PTPRN2: variants seen among roughly 807,000 people sequenced by gnomAD.
PTPRN2 encodes receptor-type tyrosine-protein phosphatase N2.
PTPRN2 carries 74 observed loss-of-function variants against 118.8 expected under a neutral mutation model. The ratio of observed to expected loss-of-function variants is 0.62; its 90% CI spans 0.52 to 0.76. The LOEUF is 0.76. Among genes scored for constraint, PTPRN2 ranks in the 30% least tolerant of loss-of-function variants. The pLI, the probability that PTPRN2 is intolerant of heterozygous loss-of-function variation, is 0.00. For missense variants in PTPRN2, 1,481 were observed against 1,394.4 expected (o/e 1.06, Z -0.99); for synonymous variants, 641 against 608.0 (o/e 1.05, Z -0.80).
intron 10 of PTPRN2, among the ~76,000 whole-genome samples, chr7:158,085,468 G>A (rs1358943743): frequency 2.5e-4 from 13 of 51,388 alleles, no homozygotes; most frequent in Non-Finnish European, 4.7e-4. Flanking sequence ...CATACACTCC[G>A]ACACCCATCC....
At chr7:158,316,687 C>A in intron 3 of PTPRN2, 132 bp downstream of exon 3, 1 of 672,236 alleles carries the variant, frequency 1.5e-6, no homozygotes, top group Non-Finnish European at 2.4e-6. Flanking sequence ...GCGCCCGGCT[C>A]CCACCTGCCC....
chr7:157,614,204 G>A (rs1802605809), intron 15 of PTPRN2: 1 of 441,554 alleles, frequency 2.3e-6, no homozygotes, highest in African/African-American at 2.0e-5. Flanking sequence ...GGCAGGGTTT[G>A]AAGTCTGTGG....
At chr7:158,209,665 A>T (rs1018619483) in intron 3 of PTPRN2, among the ~76,000 whole-genome samples, 2 of 152,226 alleles carry the variant, frequency 1.3e-5, no homozygotes, top group African/African-American at 4.8e-5. Flanking sequence ...ACGAAGATAT[A>T]TTGACCAAGC....
At chr7:157,942,825 C>T (rs1554497065) in intron 11 of PTPRN2, among the ~76,000 whole-genome samples, 1 of 152,142 alleles carries the variant, frequency 6.6e-6, no homozygotes, top group Non-Finnish European at 1.5e-5. Context: ...TCAACCTTGT[C>T]CTTCCTTTTC....
rs544538333 is a variant in PTPRN2 at position 158,080,117 on chromosome 7, A to G, written c.1723+1181T>C. On this transcript the variant is annotated intron_variant, in intron 11 of 22. Transcript: ENST00000389418. ...ACCCGCAGCAGCCAAAACAGATAGG[A>G]CCAGCAATTCGCTCCATCCCTTAGA... Among the ~76,000 whole-genome samples, 3 of 152,184 alleles carry G rather than the reference A, an allele frequency of 2.0e-5. No individual in the cohort carries two copies. In the South Asian group the frequency reaches 6.2e-4, roughly 32 times the overall value.
At chr7:158,171,886 C>T (rs1823733812) in intron 5 of PTPRN2, among the ~76,000 whole-genome samples, 1 of 152,190 alleles carries the variant, frequency 6.6e-6, no homozygotes, top group South Asian at 2.1e-4. Context: ...TGGAAATTAG[C>T]AGCCTAACGG....
At chr7:158,327,254 TTC>T (rs1413242741) in intron 2 of PTPRN2, among the ~76,000 whole-genome samples, 9 of 146,014 alleles carry the variant, frequency 6.2e-5, no homozygotes, top group Non-Finnish European at 9.0e-5. Context: ...CATGCACACA[TTC>T]TCACATGCAC....
intron 11 of PTPRN2, among the ~76,000 whole-genome samples, chr7:157,955,387 G>A (rs1489531745): frequency 1.3e-5 from 2 of 151,860 alleles, no homozygotes; most frequent in Non-Finnish European, 2.9e-5. Context: ...TGCTGAGCCG[G>A]GCTCACATCC....
At position 157,591,170 on chromosome 7, in the gene PTPRN2, A is replaced by T. The variant is rs992701277; in HGVS notation, c.2496+4068T>A. On this transcript the variant is annotated intron_variant, in intron 17 of 22. Transcript: ENST00000389418. This position sits in a 1 kb window ranked among gnomAD's most constrained non-coding sequence, Gnocchi z 4.4. ...GCTGTGTGACAGGGAGGCAGAGATG[A>T]GGGGGACACTTCGAATCCCCCAAGG... 1.3e-5 allele frequency among the ~76,000 whole-genome samples: 2 copies of T among 152,154 alleles called. No homozygotes were observed. The highest frequency in any genetic ancestry group is 4.8e-5 in the African/African-American group (2 of 41,436).
At chr7:158,553,447 T>TAC (rs150069789) in intron 1 of PTPRN2, among the ~76,000 whole-genome samples, 1 of 148,630 alleles carries the variant, frequency 6.7e-6, no homozygotes, top group Non-Finnish European at 1.5e-5. Flanking sequence ...CCTCCTTGTC[T>TAC]ACACACACAC....
At chr7:158,326,587 C>T (rs941350025) in intron 2 of PTPRN2, among the ~76,000 whole-genome samples, 2 of 151,980 alleles carry the variant, frequency 1.3e-5, no homozygotes, top group African/African-American at 4.8e-5. Flanking sequence ...CGTCCTCACA[C>T]ATGCTCTCAC....
chr7:158,577,653 T>C (rs1425864423), intron 1 of PTPRN2, among the ~76,000 whole-genome samples: 1 of 152,272 alleles, frequency 6.6e-6, no homozygotes. Flanking sequence ...TTGTCTTCAT[T>C]TCCTCTAAGA....
intron 12 of PTPRN2, among the ~76,000 whole-genome samples, chr7:157,788,224 A>T (rs1311021259): frequency 6.6e-6 from 1 of 152,036 alleles, no homozygotes; most frequent in African/African-American, 2.4e-5. Context: ...AAGTACAAAA[A>T]AGTAGCCAGG....
chr7:157,630,716 G>A lies in PTPRN2; in HGVS notation c.2197-9207C>T, dbSNP rs568929100. ...GTTTGCTCGGGAGAAGCAAACACAC[G>A]GTTTTGGAATTCAGCCTCTGGGTCA... is the stretch of plus-strand genomic sequence containing the variant. On this transcript the variant is annotated intron_variant, in intron 14 of 22. Transcript: ENST00000389418. 2.6e-5 allele frequency among the ~76,000 whole-genome samples: 4 copies of A among 152,292 alleles called. No individual in the cohort carries two copies. The East Asian group carries it at 7.7e-4, about 29-fold the overall frequency.
intron 1 of PTPRN2, among the ~76,000 whole-genome samples, chr7:158,522,518 T>C (rs1824278713): frequency 6.6e-6 from 1 of 151,478 alleles, no homozygotes; most frequent in Non-Finnish European, 1.5e-5. Flanking sequence ...CAGAATGGAC[T>C]GTCCAGGATG....
chr7:157,814,197 A>C (rs555369338), intron 12 of PTPRN2, among the ~76,000 whole-genome samples: 3 of 152,336 alleles, frequency 2.0e-5, no homozygotes, highest in South Asian at 2.1e-4. Context: ...GCAGGCGAGG[A>C]AGCCCCTGCT....
intron 21 of PTPRN2, among the ~76,000 whole-genome samples, chr7:157,551,975 C>CAGG (rs1798653968): frequency 6.7e-6 from 1 of 150,220 alleles, no homozygotes; most frequent in Admixed American, 6.6e-5. Context: ...ACGCACCCCA[C>CAGG]AGCCACCACA....
chr7:157,604,968 G>A (rs1801915250), intron 15 of PTPRN2, among the ~76,000 whole-genome samples: 2 of 152,226 alleles, frequency 1.3e-5, no homozygotes, highest in Non-Finnish European at 2.9e-5. Flanking sequence ...CCAACTCCCT[G>A]GTGTGTGGCC....
At chr7:157,941,060 C>CACCA in intron 11 of PTPRN2, among the ~76,000 whole-genome samples, 1 of 94,140 alleles carries the variant, frequency 1.1e-5, no homozygotes, top group Admixed American at 1.0e-4. Flanking sequence ...ACACTCTCCC[C>CACCA]CGTGACACTG....
Sources: allele counts gnomAD v4.1 joint callset (sites outside exome capture counted in the v4.1 genomes callset), GRCh38; gene constraint gnomAD v4.1.1; non-coding constraint Gnocchi (gnomAD v3.1); transcripts MANE v1.5; gene names NCBI Gene and HGNC (gene_info 2026-07-23, HGNC 2026-07-21).